The following FERMT1 variants were observed in gnomAD, a reference collection of about 807,000 sequenced individuals.
FERMT1 encodes the protein fermitin family homolog 1.
Under a neutral mutation model 85.3 loss-of-function variants are expected in FERMT1, and 60 were observed. The observed-to-expected ratio is 0.70, with a 90% CI of 0.57 to 0.87. The LOEUF is 0.87. Ranked by LOEUF, FERMT1 falls within the 40% of genes least tolerant of loss-of-function variation. FERMT1 has a pLI of 0.00. For missense variants in FERMT1, 701 were observed against 818.9 expected, an observed-to-expected ratio of 0.86 and a Z score of 1.76; for synonymous variants, 275 against 301.1, an observed-to-expected ratio of 0.91 and a Z score of 0.90.
At chr20:6,078,634 TTTTTTTTTTTTG>T (rs974538000) in intron 14 of FERMT1, among the ~76,000 whole-genome samples, 2 of 88,196 alleles carry the variant, frequency 2.3e-5, no homozygotes, top group African/African-American at 7.3e-5. Flanking sequence ...TAGTTCAGCG[TTTTTTTTTTTTG>T]TTTTTTTTTT....
chr20:6,077,517 T>C (rs901282800), intron 14 of FERMT1, among the ~76,000 whole-genome samples, 171 bp from the exon 15 acceptor site: 8 of 152,050 alleles, frequency 5.3e-5, no homozygotes, highest in Non-Finnish European at 8.8e-5. Flanking sequence ...CCAGAAAACA[T>C]CTTTGCTCTC....
chr20:6,087,744 G>T, intron 11 of FERMT1, 33 bp downstream of exon 11: 1 of 1,183,436 alleles, frequency 8.4e-7, no homozygotes, highest in Non-Finnish European at 1.3e-6. Context: ...TAGTGGAGGT[G>T]AAGTGACTTA....
At chr20:6,108,312 T>C (rs1314893237) in intron 5 of FERMT1, among the ~76,000 whole-genome samples, 1 of 152,262 alleles carries the variant, frequency 6.6e-6, no homozygotes, top group African/African-American at 2.4e-5. Flanking sequence ...GGATAAGGGA[T>C]ACTGAACCTG....
Position 6,087,991 on chromosome 20 carries a change from T to C in FERMT1, c.1265-108A>G, listed in dbSNP as rs147951014. On this transcript the variant is annotated intron_variant, in intron 10 of 14. Coordinates refer to ENST00000217289, the MANE Select transcript of FERMT1 (RefSeq NM_017671.5). ...TTGAATACAAGCCCCTCAGATTTGC[T>C]TTGGTTTTGAAAAATGGAGGAGCAA... is the stretch of plus-strand genomic sequence containing the variant. 1.6e-5 allele frequency: 12 copies of C among 743,028 alleles called. No homozygotes were observed. In the African/African-American group the frequency reaches 1.9e-4, roughly 12 times the overall value. 46.0% of individuals were successfully genotyped at this position (743,028 alleles called of 1,614,324 possible). A position where few individuals can be genotyped will look rare whatever the true frequency, so the allele number is the denominator to read the frequency against.
At chr20:6,099,468 C>T (rs1373810277) in intron 6 of FERMT1, among the ~76,000 whole-genome samples, 1 of 150,808 alleles carries the variant, frequency 6.6e-6, no homozygotes, top group Non-Finnish European at 1.5e-5. Context: ...CTTGAAGATG[C>T]TATGCTAAGT....
At position 6,089,067 on chromosome 20, in the gene FERMT1, CT is replaced by C. The variant is rs869312729; in HGVS notation, c.1161del (p.Ala388LeufsTer14). The C allele has an allele frequency of 7.4e-6, 12 of 1,612,258 alleles. No homozygotes were observed. The highest frequency in any genetic ancestry group is 1.0e-5 in the Non-Finnish European group (12 of 1,178,738). Reference protein sequence around the residue: ...KLFRPKKLLPKAFKQYWFIFK... With the variant: ...KLFRPKKLLPXAFKQYWFIFK... ...AAGATAAACCAATATTGTTTGAAAG[CT>C]TTTGGTAGTAACTTCTTGGGCCTGC... is the stretch of plus-strand genomic sequence containing the variant. On this transcript the variant is annotated frameshift_variant, in exon 10 of 15. Coordinates refer to ENST00000217289, the MANE Select transcript of FERMT1 (RefSeq NM_017671.5). LOFTEE classifies it high-confidence loss of function.
chr20:6,107,831 C>G (rs903088965), intron 5 of FERMT1, among the ~76,000 whole-genome samples, 197 bp from the exon 6 acceptor site: 2 of 152,110 alleles, frequency 1.3e-5, no homozygotes, highest in African/African-American at 4.8e-5. Context: ...ACCTGAGGCT[C>G]AAAGGAAATG....
At chr20:6,107,222 G>C (rs889388092) in intron 6 of FERMT1, among the ~76,000 whole-genome samples, 1 of 107,530 alleles carries the variant, frequency 9.3e-6, no homozygotes, top group East Asian at 3.3e-4. Context: ...AAAAAAAAAA[G>C]AACTCCAGCT....
Position 6,101,255 on chromosome 20 carries a change from T to G in FERMT1, c.850-3624A>C, listed in dbSNP as rs1982650774. On this transcript the variant is annotated intron_variant, in intron 6 of 14. Transcript: ENST00000217289. ...TTTGCCCTTTGATAAGCACATCCAG[T>G]GTTACTGTTCCAAAGAAATGCAAGC... Among the ~76,000 whole-genome samples the G allele has an allele frequency of 2.0e-5, 3 of 152,214 alleles. No individual in the cohort carries two copies. The South Asian group carries it at 6.2e-4, about 32-fold the overall frequency.
chr20:6,084,243 T>C, intron 12 of FERMT1, 79 bp from the exon 13 acceptor site: 1 of 1,485,020 alleles, frequency 6.7e-7, no homozygotes. Flanking sequence ...AGATCCCCCA[T>C]AAGAACAATA....
At chr20:6,083,905 G>T (rs1323877743) in intron 13 of FERMT1, 135 bp downstream of exon 13, 5 of 1,008,320 alleles carry the variant, frequency 5.0e-6, no homozygotes, top group Non-Finnish European at 7.5e-6. Flanking sequence ...CAAAGTGTCA[G>T]GACTATTTAT....
intron 11 of FERMT1, among the ~76,000 whole-genome samples, chr20:6,087,039 CA>C (rs1169559600): frequency 6.6e-6 from 1 of 152,128 alleles, no homozygotes; most frequent in Non-Finnish European, 1.5e-5. Flanking sequence ...CTGCTTTGGC[CA>C]ATGGAATGTG....
chr20:6,106,214 C>A (rs1457191071), intron 6 of FERMT1, among the ~76,000 whole-genome samples: 2 of 152,068 alleles, frequency 1.3e-5, no homozygotes, highest in African/African-American at 4.8e-5. Flanking sequence ...CTTATGCATT[C>A]CAGACACAAG....
intron 6 of FERMT1, among the ~76,000 whole-genome samples, chr20:6,103,193 G>GA (rs1275481317): frequency 7.2e-5 from 11 of 152,176 alleles, no homozygotes; most frequent in African/African-American, 2.2e-4. Flanking sequence ...GGAAATGGTA[G>GA]TTTCTCTATG....
chr20:6,098,948 T>A lies in FERMT1; in HGVS notation c.850-1317A>T, dbSNP rs986402358. Among the ~76,000 whole-genome samples, 9 of 152,340 alleles carry A rather than the reference T, an allele frequency of 5.9e-5. No homozygotes were observed. The South Asian group carries it at 8.3e-4, about 14-fold the overall frequency. ...GAATATAATCCATCAATCCTACTCCTAGCTGTACACCCAAACAAACTGAAA... is the reference window on the plus strand; with the variant it reads ...GAATATAATCCATCAATCCTACTCCAAGCTGTACACCCAAACAAACTGAAA... On this transcript the variant is annotated intron_variant, in intron 6 of 14. Transcript: ENST00000217289.
chr20:6,102,743 C>T (rs1654573743), intron 6 of FERMT1, among the ~76,000 whole-genome samples: 1 of 149,790 alleles, frequency 6.7e-6, no homozygotes, highest in African/African-American at 2.5e-5. Flanking sequence ...CACATGAGTT[C>T]TGCCACCTCT....
intron 9 of FERMT1, among the ~76,000 whole-genome samples, chr20:6,094,659 C>T (rs777442299): frequency 6.6e-6 from 1 of 152,102 alleles, no homozygotes; most frequent in Non-Finnish European, 1.5e-5. Flanking sequence ...GCTTCATATG[C>T]ATTATTTCAT....
At chr20:6,101,390 G>A (rs73894403) in intron 6 of FERMT1, among the ~76,000 whole-genome samples, 2,057 of 152,152 alleles carry the variant, frequency 0.014, 42 homozygotes, top group African/African-American at 0.047. Context: ...AAGTGAGTCT[G>A]ACTTACTTAT....
At position 6,097,651 on chromosome 20, in the gene FERMT1, T is replaced by A. The variant is rs1982546807; in HGVS notation, c.850-20A>T. 1 of 1,497,274 alleles carries A rather than the reference T, an allele frequency of 6.7e-7. No individual in the cohort carries two copies. Among genetic ancestry groups the A allele is most frequent in the Non-Finnish European group, 9.3e-7 (1 of 1,073,720 alleles). The allele number at this position is 1,497,274 out of a possible 1,614,324, so 92.7% of individuals were successfully genotyped here. On this transcript the variant is annotated intron_variant, in intron 6 of 14. Transcript: ENST00000217289. ...ATCATACTAGAGACAAAAACAGAGG[T>A]GTGTGTGTAATGAGGTATATTTATA...
Sources: gnomAD v4.1 joint callset for allele counts (sites outside exome capture counted in the v4.1 genomes callset) on GRCh38, gnomAD v4.1.1 for gene constraint, MANE v1.5 for transcripts, NCBI Gene and HGNC (gene_info 2026-07-23, HGNC 2026-07-21) for gene names.